The following ATG10 variants were observed in gnomAD, a reference collection of about 807,000 sequenced individuals.
ATG10 encodes autophagy related 10.
In ATG10, 30 loss-of-function variants were observed where a neutral mutation model predicts 32.1. That is an observed-to-expected ratio of 0.94 (90% CI 0.70 to 1.27). The LOEUF (loss-of-function observed/expected upper bound fraction) is 1.27, where lower values mean the gene tolerates loss of function less well. Among genes scored for constraint, ATG10 ranks in the 50% most tolerant of loss-of-function variants. ATG10 has a pLI of 0.00. For missense variants in ATG10, 233 were observed against 262.3 expected, an observed-to-expected ratio of 0.89 and a Z score of 0.77; for synonymous variants, 87 against 91.5, an observed-to-expected ratio of 0.95 and a Z score of 0.28.
intron 5 of ATG10, among the ~76,000 whole-genome samples, chr5:82,229,938 T>A (rs920404084): frequency 6.6e-6 from 1 of 152,182 alleles, no homozygotes; most frequent in African/African-American, 2.4e-5. Flanking sequence ...CGTATACAGA[T>A]TGGAGCCTTG....
At chr5:82,057,849 C>T (rs1301632086) in intron 2 of ATG10, among the ~76,000 whole-genome samples, 1 of 152,096 alleles carries the variant, frequency 6.6e-6, no homozygotes, top group Admixed American at 6.6e-5. Context: ...GTCATTTCTT[C>T]AGCGCTTGGA....
chr5:82,082,133 AC>A (rs1455350208), intron 3 of ATG10, among the ~76,000 whole-genome samples: 1 of 152,116 alleles, frequency 6.6e-6, no homozygotes, highest in Non-Finnish European at 1.5e-5. Flanking sequence ...TGTGGGAGTT[AC>A]AATTCCAGAT....
Position 81,972,083 on chromosome 5 carries a change from C to T in ATG10, c.-236C>T, listed in dbSNP as rs1041737132. On this transcript the variant is annotated 5_prime_UTR_variant, in exon 1 of 8. Transcript: ENST00000282185. ...TGACTGAAGGAGGCCGCGGACCTGA[C>T]TGAAGGAGGCCACGGCCACTTCTGG... The T allele has an allele frequency of 6.6e-6, 1 of 152,284 alleles. No individual in the cohort carries two copies. Among genetic ancestry groups the T allele is most frequent in the African/African-American group, 2.4e-5 (1 of 41,470 alleles). The allele number at this position is 152,284 out of a possible 1,614,324, so 9.4% of individuals were successfully genotyped here.
chr5:82,209,767 A>G (rs977017539), intron 5 of ATG10, among the ~76,000 whole-genome samples: 2 of 152,072 alleles, frequency 1.3e-5, no homozygotes, highest in Admixed American at 1.3e-4. Context: ...TTCTTTAAAT[A>G]GATTGCTTTT....
rs570140376 is a variant in ATG10, at chr5:81,974,360, G to T, written c.-13+2054G>T. 1.5e-3 allele frequency among the ~76,000 whole-genome samples: 226 copies of T among 152,272 alleles called. 1 individual carries two copies. The highest frequency in any genetic ancestry group is 4.2e-3 in the Admixed American group (65 of 15,296). On this transcript the variant is annotated intron_variant, in intron 1 of 7. Coordinates refer to ENST00000282185, the MANE Select transcript of ATG10 (RefSeq NM_031482.5). The stretch of plus-strand genomic sequence containing the variant: ...TGTACCTGAAGGAATCTTAATTAGG[G>T]AATGGTTGCTGAAAACTGCAGAGAC...
intron 2 of ATG10, chr5:82,010,203 T>C (rs1231148625): frequency 2.3e-5 from 20 of 857,210 alleles, no homozygotes; most frequent in Non-Finnish European, 3.4e-5. Context: ...AAAATTCTGA[T>C]TATGAATATC....
intron 3 of ATG10, among the ~76,000 whole-genome samples, chr5:82,107,292 G>A (rs1765471703): frequency 6.6e-6 from 1 of 152,054 alleles, no homozygotes; most frequent in African/African-American, 2.4e-5. Context: ...TTTAAGATCA[G>A]TTTTGTCCCT....
At chr5:82,190,240 A>G (rs542867907) in intron 5 of ATG10, among the ~76,000 whole-genome samples, 36 of 152,256 alleles carry the variant, frequency 2.4e-4, no homozygotes, top group Non-Finnish European at 4.4e-4. Flanking sequence ...AATACAAAAT[A>G]TCATAAAGAA....
At chr5:82,210,073 T>G (rs1473286063) in intron 5 of ATG10, among the ~76,000 whole-genome samples, 2 of 152,230 alleles carry the variant, frequency 1.3e-5, no homozygotes, top group Non-Finnish European at 1.5e-5. Flanking sequence ...CTTGAGCACA[T>G]TAATAGAAGT....
intron 5 of ATG10, among the ~76,000 whole-genome samples, chr5:82,229,726 A>G (rs1422200933): frequency 6.6e-6 from 1 of 152,198 alleles, no homozygotes; most frequent in Non-Finnish European, 1.5e-5. Flanking sequence ...AGGAATAGTC[A>G]GTCCTCCATG....
At chr5:81,983,183 C>G (rs867878477) in intron 1 of ATG10, among the ~76,000 whole-genome samples, 128 of 149,778 alleles carry the variant, frequency 8.5e-4, no homozygotes, top group Middle Eastern at 3.5e-3. Flanking sequence ...GGGCGGGGGA[C>G]TGATCCCCCC....
At chr5:82,123,311 A>G (rs1368434851) in intron 3 of ATG10, among the ~76,000 whole-genome samples, 1 of 152,190 alleles carries the variant, frequency 6.6e-6, no homozygotes, top group Non-Finnish European at 1.5e-5. Flanking sequence ...TGGGAGCTAT[A>G]TGACAAGAAC....
chr5:82,193,535 C>T (rs1744740025), intron 5 of ATG10, among the ~76,000 whole-genome samples: 2 of 152,198 alleles, frequency 1.3e-5, no homozygotes, highest in Non-Finnish European at 1.5e-5. Flanking sequence ...AAGGCAAAGC[C>T]TTAGACTGTA....
intron 5 of ATG10, among the ~76,000 whole-genome samples, chr5:82,179,760 C>T (rs1195949020): frequency 2.0e-5 from 3 of 152,038 alleles, no homozygotes; most frequent in Non-Finnish European, 4.4e-5. Context: ...ATGAGTTTAT[C>T]AGTTATTAGA....
chr5:82,009,693 T>G, intron 2 of ATG10: 1 of 1,585,582 alleles, frequency 6.3e-7, no homozygotes, highest in South Asian at 1.1e-5. Flanking sequence ...ATTCATGCCT[T>G]CTTTCACTTT....
At chr5:82,160,045 TTGTGTGTGTCTG>T (rs760145344) in intron 3 of ATG10, among the ~76,000 whole-genome samples, 17 of 152,240 alleles carry the variant, frequency 1.1e-4, no homozygotes, top group African/African-American at 2.6e-4. Flanking sequence ...CTTGTACTCA[TTGTGTGTGTCTG>T]TGTGTGTGTA....
intron 2 of ATG10, among the ~76,000 whole-genome samples, chr5:82,047,618 C>T (rs1763271550): frequency 6.6e-6 from 1 of 152,268 alleles, no homozygotes; most frequent in African/African-American, 2.4e-5. Context: ...CTTTTCTAGC[C>T]TGACAAGTGG....
chr5:82,027,592 G>C (rs1267039453), intron 2 of ATG10, among the ~76,000 whole-genome samples: 2 of 152,178 alleles, frequency 1.3e-5, no homozygotes, highest in Middle Eastern at 3.4e-3. Flanking sequence ...TCTATAAATA[G>C]ATTTTATGTA....
intron 5 of ATG10, among the ~76,000 whole-genome samples, chr5:82,212,277 A>G (rs1326516129): frequency 1.3e-5 from 2 of 152,162 alleles, no homozygotes; most frequent in African/African-American, 2.4e-5. Context: ...GAAAAGAGAA[A>G]CTGCCCCTTT....
Sources: gnomAD v4.1 joint callset for allele counts (sites outside exome capture counted in the v4.1 genomes callset) on GRCh38, gnomAD v4.1.1 for gene constraint, MANE v1.5 for transcripts, NCBI Gene and HGNC (gene_info 2026-07-23, HGNC 2026-07-21) for gene names.